Variants in CNTN5 observed in about 807,000 individuals in gnomAD.
CNTN5 encodes the protein contactin-5.
A neutral mutation model predicts 129.1 loss-of-function variants in CNTN5; 77 were observed. The observed-to-expected ratio is 0.60, with a 90% CI of 0.50 to 0.72. The LOEUF is 0.72. Among genes scored for constraint, CNTN5 ranks in the 30% least tolerant of loss-of-function variants. The pLI, the probability that CNTN5 is intolerant of heterozygous loss-of-function variation, is 0.00. For synonymous variants in CNTN5, 509 were observed against 465.6 expected, an observed-to-expected ratio of 1.09 and a Z score of -1.20; for missense variants, 1,478 against 1,328.8, an observed-to-expected ratio of 1.11 and a Z score of -1.75.
intron 3 of CNTN5, among the ~76,000 whole-genome samples, chr11:99,758,926 T>C (rs1944488529): frequency 6.6e-6 from 1 of 152,084 alleles, no homozygotes; most frequent in African/African-American, 2.4e-5. Flanking sequence ...TTTCAATATA[T>C]GGTATTTTGT....
chr11:99,544,837 T>C (rs1055003495), intron 2 of CNTN5, among the ~76,000 whole-genome samples: 1 of 152,230 alleles, frequency 6.6e-6, no homozygotes, highest in African/African-American at 2.4e-5. Flanking sequence ...TTGATCACAA[T>C]GCTTCTCAGT....
intron 3 of CNTN5, among the ~76,000 whole-genome samples, chr11:99,671,145 TGAG>T (rs1415201009): frequency 3.6e-5 from 1 of 27,448 alleles, no homozygotes; most frequent in African/African-American, 9.5e-5. Context: ...CCATGTAGAT[TGAG>T]TTTTTTTTTT....
intron 4 of CNTN5, chr11:99,844,525 AG>A: frequency 2.9e-6 from 1 of 339,380 alleles, no homozygotes; most frequent in African/African-American, 2.3e-5. Context: ...AGGTTTTTTA[AG>A]ATATTGTTTA....
At chr11:99,656,525 G>GAAGA (rs113703017) in intron 3 of CNTN5, among the ~76,000 whole-genome samples, 92,781 of 151,782 alleles carry the variant, frequency 0.61, 29,319 homozygotes, top group Admixed American at 0.7. Context: ...CTGGAAAATG[G>GAAGA]AAGAAAGATA....
intron 3 of CNTN5, among the ~76,000 whole-genome samples, chr11:99,746,284 T>G (rs1411710034): frequency 6.6e-6 from 1 of 152,232 alleles, no homozygotes; most frequent in Non-Finnish European, 1.5e-5. Context: ...GATTTCATTT[T>G]TCTGCTTGTG....
In CNTN5 at chr11:99,884,499, C is replaced by T. The variant is rs180860003; in HGVS notation, c.578-31555C>T. ...TAGACATTGTTGAAGCAGAAGAGAA[C>T]GGAAATAATAGTGAAAGAACAAATA... On this transcript the variant is annotated intron_variant, in intron 6 of 24. Transcript: ENST00000524871. 1.9e-3 allele frequency among the ~76,000 whole-genome samples: 290 copies of T among 152,002 alleles called. 1 individual carries two copies. The highest frequency in any genetic ancestry group is 6.2e-3 in the African/African-American group (256 of 41,492).
intron 10 of CNTN5, among the ~76,000 whole-genome samples, chr11:100,063,362 C>T (rs78328418): frequency 0.092 from 13,897 of 151,054 alleles, 815 homozygotes; most frequent in East Asian, 0.18. Context: ...CTACCCAAAG[C>T]GTGCATCACT....
chr11:99,789,351 A>C (rs980458913), intron 3 of CNTN5, among the ~76,000 whole-genome samples: 5 of 151,974 alleles, frequency 3.3e-5, no homozygotes, highest in Non-Finnish European at 5.9e-5. Context: ...CTCTAATGTA[A>C]GACAGATAAT....
At chr11:99,633,270 A>G (rs1447683417) in intron 3 of CNTN5, among the ~76,000 whole-genome samples, 3 of 152,330 alleles carry the variant, frequency 2.0e-5, no homozygotes, top group Middle Eastern at 3.4e-3. Context: ...AAAGTGTCCT[A>G]TTTTTAAACT....
At chr11:99,031,467 T>C (rs1390974251) in intron 1 of CNTN5, among the ~76,000 whole-genome samples, 1 of 152,090 alleles carries the variant, frequency 6.6e-6, no homozygotes, top group South Asian at 2.1e-4. Flanking sequence ...GAATATTTTC[T>C]TTCAAAAAGG....
intron 3 of CNTN5, among the ~76,000 whole-genome samples, chr11:99,643,485 A>G (rs1473398669): frequency 1.3e-5 from 2 of 152,190 alleles, no homozygotes; most frequent in African/African-American, 4.8e-5. Context: ...TATATCTATA[A>G]ATAAGGATGA....
At chr11:99,668,791 G>A (rs991537035) in intron 3 of CNTN5, among the ~76,000 whole-genome samples, 31 of 151,966 alleles carry the variant, frequency 2.0e-4, no homozygotes, top group Admixed American at 1.1e-3. Flanking sequence ...AAAATTAGCC[G>A]GGTGTGGGGG....
intron 1 of CNTN5, among the ~76,000 whole-genome samples, chr11:99,123,131 A>T (rs7938246): frequency 1.3e-5 from 2 of 152,178 alleles, no homozygotes; most frequent in Non-Finnish European, 2.9e-5. Flanking sequence ...ACTGCTTTCT[A>T]CAATGGCTGA....
intron 3 of CNTN5, among the ~76,000 whole-genome samples, chr11:99,786,737 C>A (rs6590341): frequency 1 from 152,328 of 152,330 alleles, 76,163 homozygotes; most frequent in Non-Finnish European, 1. Flanking sequence ...CAAACCTGAC[C>A]AAAACCAGAA....
At chr11:99,935,114 A>C (rs1950286182) in intron 7 of CNTN5, among the ~76,000 whole-genome samples, 1 of 151,178 alleles carries the variant, frequency 6.6e-6, no homozygotes, top group Admixed American at 6.6e-5. Flanking sequence ...ATTAAATTTT[A>C]TACGATATAA....
chr11:99,246,436 G>T (rs1387111765), intron 1 of CNTN5, among the ~76,000 whole-genome samples: 1 of 152,136 alleles, frequency 6.6e-6, no homozygotes, highest in East Asian at 1.9e-4. Context: ...CAGATTAATG[G>T]TAGGTACGGA....
At chr11:99,315,196 A>G (rs189207460) in intron 1 of CNTN5, among the ~76,000 whole-genome samples, 107 of 149,414 alleles carry the variant, frequency 7.2e-4, no homozygotes, top group African/African-American at 2.4e-3. Context: ...TAGTTCACTG[A>G]GCATAAGTAG....
intron 1 of CNTN5, among the ~76,000 whole-genome samples, chr11:99,216,859 T>A (rs1205215228): frequency 6.6e-6 from 1 of 151,790 alleles, no homozygotes; most frequent in Non-Finnish European, 1.5e-5. Context: ...GAGAAAATAT[T>A]TACAAACTAC....
intron 16 of CNTN5, among the ~76,000 whole-genome samples, chr11:100,244,405 A>G (rs1456643572): frequency 6.6e-6 from 1 of 152,162 alleles, no homozygotes; most frequent in Non-Finnish European, 1.5e-5. Flanking sequence ...ATATGGAGTG[A>G]ATTCCTAAGT....
Sources: allele counts gnomAD v4.1 joint callset (sites outside exome capture counted in the v4.1 genomes callset), GRCh38; gene constraint gnomAD v4.1.1; transcripts MANE v1.5; gene names NCBI Gene and HGNC (gene_info 2026-07-23, HGNC 2026-07-21).